Variants in DIP2C observed in about 807,000 individuals in gnomAD.
The protein encoded by DIP2C is disco-interacting protein 2 homolog C.
In DIP2C, 33 loss-of-function variants were observed where a neutral mutation model predicts 192.4. The ratio of observed to expected loss-of-function variants is 0.17; its 90% CI spans 0.13 to 0.23. DIP2C has a LOEUF of 0.23. Among genes scored for constraint, DIP2C ranks in the 10% least tolerant of loss-of-function variants. DIP2C has a pLI of 1.00. For synonymous variants in DIP2C, 979 were observed against 864.1 expected (o/e 1.13, Z -2.33); for missense variants, 1,537 against 2,110.1 (o/e 0.73, Z 5.32).
At chr10:288,244 T>C (rs1955256609) in intron 33 of DIP2C, 120 bp downstream of exon 33, 2 of 979,476 alleles carry the variant, frequency 2.0e-6, no homozygotes, top group South Asian at 1.6e-5. Flanking sequence ...ACTGATATGT[T>C]ACTTTCAAGA....
chr10:400,883 C>G (rs1349698373), intron 9 of DIP2C, among the ~76,000 whole-genome samples: 8 of 151,528 alleles, frequency 5.3e-5, no homozygotes, highest in Non-Finnish European at 7.4e-5. Flanking sequence ...ATTAGCATTA[C>G]TCTTCCTTAT....
At chr10:508,759 AG>A (rs1206781782) in intron 1 of DIP2C, among the ~76,000 whole-genome samples, 2 of 152,208 alleles carry the variant, frequency 1.3e-5, no homozygotes, top group Admixed American at 1.3e-4. Flanking sequence ...AGCCACTTAA[AG>A]GCAACTGTAC....
chr10:488,337 T>G (rs1256047168), intron 1 of DIP2C, among the ~76,000 whole-genome samples: 1 of 152,190 alleles, frequency 6.6e-6, no homozygotes, highest in Non-Finnish European at 1.5e-5. Context: ...GACAGTTCAG[T>G]GCAGCTCTTC....
At chr10:681,534 C>T (rs1333171259) in intron 1 of DIP2C, among the ~76,000 whole-genome samples, 1 of 151,280 alleles carries the variant, frequency 6.6e-6, no homozygotes, top group African/African-American at 2.4e-5. Context: ...GGAATGCAGC[C>T]CCTCAGTTAC....
chr10:281,742 G>C (rs1954840212), intron 35 of DIP2C, among the ~76,000 whole-genome samples: 1 of 152,222 alleles, frequency 6.6e-6, no homozygotes, highest in African/African-American at 2.4e-5. Context: ...AGTCAGACCA[G>C]CTCTGTGACT....
intron 5 of DIP2C, 24 bp downstream of exon 5, chr10:422,800 A>G (rs371909589): frequency 6.2e-7 from 1 of 1,602,456 alleles, no homozygotes; most frequent in Non-Finnish European, 8.5e-7. Context: ...ACAGGCACAG[A>G]AAGACACCGT....
At chr10:597,895 G>T (rs1459236388) in intron 1 of DIP2C, among the ~76,000 whole-genome samples, 1 of 152,166 alleles carries the variant, frequency 6.6e-6, no homozygotes, top group African/African-American at 2.4e-5. Context: ...CAGGAGGTCT[G>T]AACGTGGACC....
chr10:672,062 C>G (rs111338073), intron 1 of DIP2C, among the ~76,000 whole-genome samples: 1 of 141,714 alleles, frequency 7.1e-6, no homozygotes, highest in African/African-American at 2.7e-5. Flanking sequence ...GACACACAGA[C>G]GGAGGAAACG....
intron 1 of DIP2C, among the ~76,000 whole-genome samples, chr10:659,969 C>G (rs1178979271): frequency 6.6e-6 from 1 of 152,210 alleles, no homozygotes; most frequent in Non-Finnish European, 1.5e-5. Flanking sequence ...GAGAATCTCA[C>G]AGTGGAACGG....
At chr10:580,911 A>C (rs1012528889) in intron 1 of DIP2C, among the ~76,000 whole-genome samples, 6 of 152,208 alleles carry the variant, frequency 3.9e-5, no homozygotes, top group African/African-American at 1.2e-4. Context: ...CTGACTCACG[A>C]TGAAGCACTC....
chr10:595,763 T>A (rs1210158624), intron 1 of DIP2C, among the ~76,000 whole-genome samples: 1 of 152,142 alleles, frequency 6.6e-6, no homozygotes, highest in Non-Finnish European at 1.5e-5. Context: ...GTTTTTTCAA[T>A]AAGGGTTTGG....
chr10:523,062 C>T (rs1466568030), intron 1 of DIP2C, among the ~76,000 whole-genome samples: 7 of 152,076 alleles, frequency 4.6e-5, no homozygotes, highest in Admixed American at 4.6e-4. Flanking sequence ...CTCTACGTGA[C>T]CCACGCGCTC....
At position 349,335 on chromosome 10, in the gene DIP2C, G is replaced by T; in HGVS notation, c.3105C>A (p.Pro1035=). ...QDGDHVALVY[P]PGIDLIAAFY... is the part of the protein sequence containing the mutation. ...AAGCCCACCCTGCGCCTGTACCTGG[G>T]GGGTAGACCAAGGCCACGTGGTCGC... Residue 1035 remains proline (P), a synonymous_variant, in exon 25 of 37, where the codon CCC becomes CCA. Transcript: ENST00000280886. The T allele has an allele frequency of 1.9e-6, 3 of 1,606,752 alleles. No individual in the cohort carries two copies. Among genetic ancestry groups the T allele is most frequent in the South Asian group, 2.2e-5 (2 of 91,002 alleles).
intron 17 of DIP2C, among the ~76,000 whole-genome samples, chr10:381,272 G>A (rs921596286): frequency 1.3e-5 from 2 of 152,144 alleles, no homozygotes; most frequent in African/African-American, 4.8e-5. Context: ...GCATGATAAC[G>A]ACATAAAAAG....
chr10:338,793 C>T (rs542680698), intron 29 of DIP2C, among the ~76,000 whole-genome samples: 141 of 151,860 alleles, frequency 9.3e-4, no homozygotes, highest in Middle Eastern at 3.4e-3. Flanking sequence ...GCCACCTGCA[C>T]GCTGCACCCT....
intron 32 of DIP2C, among the ~76,000 whole-genome samples, chr10:309,490 T>A (rs3097731): frequency 3.9e-5 from 6 of 151,980 alleles, no homozygotes; most frequent in African/African-American, 1.2e-4. Flanking sequence ...TCCAGTGAGA[T>A]GGTCAGATAA....
Position 423,158 on chromosome 10 carries a change from C to T in DIP2C, c.395-125G>A, listed in dbSNP as rs1432108948. On this transcript the variant is annotated intron_variant, in intron 4 of 36. Coordinates refer to ENST00000280886, the MANE Select transcript of DIP2C (RefSeq NM_014974.3). ...ATAGTTGTTCAATGACTTTTTGATA[C>T]ACTCTTGAGAAGTTAAACCACGTTT... is the stretch of plus-strand genomic sequence containing the variant. The T allele has an allele frequency of 5.4e-6, 5 of 925,844 alleles. No individual in the cohort carries two copies. The East Asian group carries it at 7.6e-5, about 14-fold the overall frequency. The allele number at this position is 925,844 out of a possible 1,614,324, so 57.4% of individuals were successfully genotyped here.
At chr10:454,855 G>A (rs923363516) in intron 3 of DIP2C, among the ~76,000 whole-genome samples, 28 of 152,132 alleles carry the variant, frequency 1.8e-4, no homozygotes, top group Non-Finnish European at 1.0e-4. Context: ...CGCCCTTTAT[G>A]CTTGAAGTCA....
chr10:371,430 T>C (rs1960941928), intron 17 of DIP2C, among the ~76,000 whole-genome samples: 1 of 152,212 alleles, frequency 6.6e-6, no homozygotes, highest in Non-Finnish European at 1.5e-5. Context: ...GCCAGGGCCA[T>C]CTTATGACCA....
Sources: allele counts gnomAD v4.1 joint callset (sites outside exome capture counted in the v4.1 genomes callset), GRCh38; gene constraint gnomAD v4.1.1; transcripts MANE v1.5; gene names NCBI Gene and HGNC (gene_info 2026-07-23, HGNC 2026-07-21).